The following UBN2 variants were observed in gnomAD, a reference collection of about 807,000 sequenced individuals.
UBN2 encodes the protein ubinuclein-2.
UBN2 carries 35 observed loss-of-function variants against 120.2 expected under a neutral mutation model. The observed-to-expected ratio is 0.29, with a 90% CI of 0.22 to 0.39. The LOEUF (loss-of-function observed/expected upper bound fraction) is 0.39, where lower values mean the gene tolerates loss of function less well. Ranked by LOEUF, UBN2 falls within the 10% of genes least tolerant of loss-of-function variation. The pLI is 1.00. For synonymous variants in UBN2, 661 were observed against 648.7 expected, an observed-to-expected ratio of 1.02 and a Z score of -0.29; for missense variants, 1,693 against 1,663.2, an observed-to-expected ratio of 1.02 and a Z score of -0.31.
intron 7 of UBN2, among the ~76,000 whole-genome samples, chr7:139,266,708 C>T (rs549517626): frequency 6.6e-6 from 1 of 152,138 alleles, no homozygotes; most frequent in South Asian, 2.1e-4. Context: ...AAGTATCTTT[C>T]TGGGAAATGT....
chr7:139,284,290 T>C lies in UBN2; in HGVS notation c.3385T>C (p.Leu1129=), dbSNP rs781117774. Residue 1129 remains leucine (L), a synonymous_variant, in exon 15 of 18, where the codon TTG becomes CTG. Coordinates refer to ENST00000473989, the MANE Select transcript of UBN2 (RefSeq NM_173569.4). ...ISRQSPTLNL[L]PSSRTSGLPP... is the part of the protein sequence containing the mutation. The stretch of plus-strand genomic sequence containing the variant: ...CAGACAGTCTCCCACCTTGAATTTA[T>C]TGCCCTCTAGTCGCACTTCAGGCCT... 1.9e-6 allele frequency: 3 copies of C among 1,614,210 alleles called. No homozygotes were observed. The East Asian group carries it at 6.7e-5, about 36-fold the overall frequency.
Position 139,283,821 on chromosome 7 carries a change from G to A in UBN2, c.2916G>A (p.Lys972=), listed in dbSNP as rs760126928. 9 of 1,614,090 alleles carry A rather than the reference G, an allele frequency of 5.6e-6. No homozygotes were observed. The highest frequency in any genetic ancestry group is 7.6e-6 in the Non-Finnish European group (9 of 1,180,018). ...PQLSCSSSLI[K]TSDKPLMYRL... ...TCTCCTGTTCCTCCTCACTTATTAA[G>A]ACTTCAGATAAGCCACTTATGTACC... Residue 972 remains lysine (K), a synonymous_variant, in exon 15 of 18, where the codon AAG becomes AAA. Coordinates refer to ENST00000473989, the MANE Select transcript of UBN2 (RefSeq NM_173569.4).
At chr7:139,249,283 A>G (rs569304056) in intron 2 of UBN2, among the ~76,000 whole-genome samples, 16 of 152,344 alleles carry the variant, frequency 1.1e-4, no homozygotes, top group African/African-American at 2.6e-4. Flanking sequence ...AAAGTGTACA[A>G]TGGAGTCACA....
At chr7:139,268,399 A>G (rs1216915985) in intron 7 of UBN2, among the ~76,000 whole-genome samples, 1 of 152,102 alleles carries the variant, frequency 6.6e-6, no homozygotes, top group Non-Finnish European at 1.5e-5. Flanking sequence ...CTAAGAGAAT[A>G]TGGAACATGA....
Position 139,304,371 on chromosome 7 carries a change from G to A in UBN2, c.*6535G>A, listed in dbSNP as rs1215544612. The A allele has an allele frequency of 6.6e-6, 1 of 152,084 alleles. No individual in the cohort carries two copies. Among genetic ancestry groups the A allele is most frequent in the African/African-American group, 2.4e-5 (1 of 41,378 alleles). 9.4% of individuals were successfully genotyped at this position (152,084 alleles called of 1,614,324 possible). On this transcript the variant is annotated 3_prime_UTR_variant, in exon 18 of 18. Coordinates refer to ENST00000473989, the MANE Select transcript of UBN2 (RefSeq NM_173569.4). ...AACATGTTTTCCCCAGCTCCCAGGA[G>A]GAGACGAAGATCATTTTATCCCACC...
chr7:139,257,084 C>G (rs1333373214), intron 3 of UBN2, among the ~76,000 whole-genome samples: 1 of 152,172 alleles, frequency 6.6e-6, no homozygotes, highest in Non-Finnish European at 1.5e-5. Context: ...TCTAGAGATC[C>G]CAGGTAACAG....
rs1442649882 is a variant in UBN2 at position 139,307,198 on chromosome 7, C to T, written c.*9362C>T. ...TGAAGGAGCCTAAAGAGTTGATGGT[C>T]CTCTAGGTGAAAGACAAGAATTACT... On this transcript the variant is annotated 3_prime_UTR_variant, in exon 18 of 18. Coordinates refer to ENST00000473989, the MANE Select transcript of UBN2 (RefSeq NM_173569.4). The T allele has an allele frequency of 6.6e-6, 1 of 152,138 alleles. No individual in the cohort carries two copies. The highest frequency in any genetic ancestry group is 1.9e-4 in the East Asian group (1 of 5,196). The allele number at this position is 152,138 out of a possible 1,614,324, so 9.4% of individuals were successfully genotyped here. A position where few individuals can be genotyped will look rare whatever the true frequency, so the allele number is the denominator to read the frequency against.
At position 139,283,367 on chromosome 7, in the gene UBN2, T is replaced by C; in HGVS notation, c.2462T>C (p.Leu821Pro). Residue 821 changes from leucine to proline, a missense_variant, in exon 15 of 18, where the codon CTA becomes CCA. Physicochemically the swap from Leu to Pro is moderately conservative, Grantham distance 98. Around this residue, in one of 5 missense-constraint regions of UBN2, gnomAD observed 837 missense variants for 817.6 expected, o/e 1.02. Coordinates refer to ENST00000473989, the MANE Select transcript of UBN2 (RefSeq NM_173569.4). Reference protein sequence around the residue: ...SKLPLATPKKLDSTQTTHSSS... With the variant: ...SKLPLATPKKPDSTQTTHSSS... ...CTGCCACTAGCTACTCCCAAAAAACTAGATTCTACTCAGACTACACATTCT... is the reference window on the plus strand; with the variant it reads ...CTGCCACTAGCTACTCCCAAAAAACCAGATTCTACTCAGACTACACATTCT... 6.2e-7 allele frequency: 1 copy of C among 1,613,972 alleles called. No individual in the cohort carries two copies. The highest frequency in any genetic ancestry group is 8.5e-7 in the Non-Finnish European group (1 of 1,180,006).
intron 13 of UBN2, 95 bp downstream of exon 13, chr7:139,279,455 C>A: frequency 1.1e-6 from 1 of 914,730 alleles, no homozygotes; most frequent in South Asian, 1.5e-5. Context: ...TAGCAGAGGT[C>A]AGTAGGCACT....
At chr7:139,294,427 A>G (rs919041750) in intron 17 of UBN2, among the ~76,000 whole-genome samples, 6 of 152,238 alleles carry the variant, frequency 3.9e-5, no homozygotes, top group Non-Finnish European at 8.8e-5. Context: ...AACTTGCCCA[A>G]GATAATACAC....
chr7:139,263,766 C>CAAAAAA (rs34511009), intron 6 of UBN2, among the ~76,000 whole-genome samples: 2 of 64,852 alleles, frequency 3.1e-5, no homozygotes, highest in African/African-American at 5.4e-5. Flanking sequence ...GACTCCATCT[C>CAAAAAA]AAAAAAAAAA....
chr7:139,285,207 A>G (rs995171003), intron 15 of UBN2, among the ~76,000 whole-genome samples: 1 of 152,182 alleles, frequency 6.6e-6, no homozygotes, highest in Non-Finnish European at 1.5e-5. Context: ...TCACTCAAGC[A>G]ATCTTTTCAA....
At position 139,264,684 on chromosome 7, in the gene UBN2, G is replaced by A. The variant is rs1013602074; in HGVS notation, c.1396-1649G>A. Among the ~76,000 whole-genome samples the A allele has an allele frequency of 5.9e-5, 9 of 152,228 alleles. No individual in the cohort carries two copies. The South Asian group carries it at 8.3e-4, about 14-fold the overall frequency. ...CCTCCCTGCAACCTCCGCCTCCCGGGTTCAAGCAATTCTCCTGCCTCAGCC... is the reference window on the plus strand; with the variant it reads ...CCTCCCTGCAACCTCCGCCTCCCGGATTCAAGCAATTCTCCTGCCTCAGCC... On this transcript the variant is annotated intron_variant, in intron 6 of 17. Coordinates refer to ENST00000473989, the MANE Select transcript of UBN2 (RefSeq NM_173569.4).
chr7:139,231,467 AG>A lies in UBN2; in HGVS notation c.-15del. ...CGAGCGCCGGCTCGAGCAAAAGCGGAGGGCCAGAACAGTGGGGATGGCGGAG... is the reference window on the plus strand; with the variant it reads ...CGAGCGCCGGCTCGAGCAAAAGCGGAGGCCAGAACAGTGGGGATGGCGGAG... On this transcript the variant is annotated 5_prime_UTR_variant, in exon 1 of 18. Transcript: ENST00000473989. 1 of 1,322,766 alleles carries A rather than the reference AG, an allele frequency of 7.6e-7. No homozygotes were observed. The allele number at this position is 1,322,766 out of a possible 1,614,324, so 81.9% of individuals were successfully genotyped here. A position where few individuals can be genotyped will look rare whatever the true frequency, so the allele number is the denominator to read the frequency against.
the UBN2 span, among the ~76,000 whole-genome samples, chr7:139,324,569 A>AAG: frequency 4.0e-5 from 6 of 151,272 alleles, no homozygotes; most frequent in African/African-American, 7.3e-5. Context: ...AAAAAAAAAA[A>AAG]AAAAAAGAAA....
At chr7:139,290,644 T>C (rs1410612501) in intron 15 of UBN2, among the ~76,000 whole-genome samples, 1 of 152,240 alleles carries the variant, frequency 6.6e-6, no homozygotes, top group Non-Finnish European at 1.5e-5. Context: ...AGTGGAATTA[T>C]TCTCTTAACT....
In UBN2 at chr7:139,283,998, C is replaced by G; in HGVS notation, c.3093C>G (p.Phe1031Leu). ...CCACGCAGGGTTTCAAATCTCCCTT[C>G]TCGATGGCTGCCTCCCCAAAACTTG... Reference protein sequence around the residue: ...QISTQGFKSPFSMAASPKLAA... With the variant: ...QISTQGFKSPLSMAASPKLAA... Residue 1031 changes from phenylalanine to leucine, a missense_variant, in exon 15 of 18, where the codon TTC (phenylalanine) becomes TTG (leucine). Transcript: ENST00000473989. 4.3e-6 allele frequency: 7 copies of G among 1,614,162 alleles called. No homozygotes were observed. The highest frequency in any genetic ancestry group is 5.9e-6 in the Non-Finnish European group (7 of 1,180,026).
Position 139,261,590 on chromosome 7 carries a change from C to T in UBN2, c.1244C>T (p.Ala415Val), listed in dbSNP as rs1437193651. The change falls in exon 6 of 18, where the codon GCT becomes GTT. Residue 415 changes from alanine (A) to valine (V), a missense_variant. Physicochemically the swap from Ala to Val is moderately conservative, Grantham distance 64. Transcript: ENST00000473989. ...DFDFDRLLDA[A>V]SDGSPLSESG... ...GACTTCGACAGATTACTGGATGCTG[C>T]TTCTGATGGTAGCCCCCTATCTGAG... is the stretch of plus-strand genomic sequence containing the variant. 8.1e-6 allele frequency: 13 copies of T among 1,614,086 alleles called. No homozygotes were observed. The highest frequency in any genetic ancestry group is 1.3e-5 in the African/African-American group (1 of 74,932).
the UBN2 span, among the ~76,000 whole-genome samples, chr7:139,325,654 AT>A: frequency 6.6e-6 from 1 of 152,092 alleles, no homozygotes; most frequent in South Asian, 2.1e-4. Flanking sequence ...ATGTATACTC[AT>A]TTTCATCAGT....
Sources: allele counts gnomAD v4.1 joint callset (sites outside exome capture counted in the v4.1 genomes callset), GRCh38; gene constraint gnomAD v4.1.1; regional missense constraint gnomAD v4.1.1; transcripts MANE v1.5; gene names NCBI Gene and HGNC (gene_info 2026-07-23, HGNC 2026-07-21).